Variants in SLF1 observed in about 807,000 individuals in gnomAD.
SLF1 encodes SMC5-SMC6 complex localization factor protein 1.
A neutral mutation model predicts 123.0 loss-of-function variants in SLF1; 105 were observed. The observed-to-expected ratio is 0.85, with a 90% CI of 0.73 to 1.00. The LOEUF is 1.00. SLF1 is among the 50% of genes least tolerant of loss of function. SLF1 has a pLI of 0.00. For synonymous variants in SLF1, 434 were observed against 406.6 expected, an observed-to-expected ratio of 1.07 and a Z score of -0.81; for missense variants, 1,239 against 1,223.0, an observed-to-expected ratio of 1.01 and a Z score of -0.20.
intron 12 of SLF1, among the ~76,000 whole-genome samples, chr5:94,668,044 C>G (rs10078522): frequency 0.54 from 81,782 of 151,812 alleles, 22,215 homozygotes; most frequent in African/African-American, 0.61. Flanking sequence ...CACCATGCCT[C>G]ACTGCTTCGT....
At position 94,628,840 on chromosome 5, in the gene SLF1, C is replaced by A; in HGVS notation, c.30C>A (p.Ile10=). The change falls in exon 2 of 21, where the codon ATC becomes ATA. Residue 10 remains isoleucine, a synonymous_variant. Coordinates refer to ENST00000265140, the MANE Select transcript of SLF1 (RefSeq NM_032290.4). MEDGTPKHI[I]QMTGFKMEEK... is the part of the protein sequence containing the mutation. ...AAGATGGTACCCCAAAGCATATCAT[C>A]CAGATGACAGGATTTAAGATGGAAG... The A allele has an allele frequency of 6.5e-7, 1 of 1,548,898 alleles. No homozygotes were observed. Among genetic ancestry groups the A allele is most frequent in the Admixed American group, 2.0e-5 (1 of 50,510 alleles).
At chr5:94,673,146 CTTTT>C (rs35332954) in intron 14 of SLF1, among the ~76,000 whole-genome samples, 2 of 146,516 alleles carry the variant, frequency 1.4e-5, no homozygotes, top group African/African-American at 5.0e-5. Flanking sequence ...TTGGCCATGA[CTTTT>C]TTTTTTTTTA....
At chr5:94,623,064 G>A (rs1791934216) in intron 1 of SLF1, among the ~76,000 whole-genome samples, 1 of 151,976 alleles carries the variant, frequency 6.6e-6, no homozygotes, top group East Asian at 1.9e-4. Flanking sequence ...CTTCAAACAT[G>A]TTCTAGCTAT....
chr5:94,653,569 G>T lies in SLF1; in HGVS notation c.1032+148G>T, dbSNP rs1748002976. 9.1e-6 allele frequency: 6 copies of T among 661,608 alleles called. No homozygotes were observed. The South Asian group carries it at 1.7e-4, about 19-fold the overall frequency. The allele number at this position is 661,608 out of a possible 1,614,324, so 41.0% of individuals were successfully genotyped here. A position where few individuals can be genotyped will look rare whatever the true frequency, so the allele number is the denominator to read the frequency against. On this transcript the variant is annotated intron_variant, in intron 8 of 20. Transcript: ENST00000265140. The stretch of plus-strand genomic sequence containing the variant: ...ATAGTTAATATTCCAGTTAACTTTG[G>T]TTCACAGTAAATGTACTTGTACATG...
chr5:94,662,313 T>C lies in SLF1; in HGVS notation c.1171T>C (p.Cys391Arg). 1 of 1,549,274 alleles carries C rather than the reference T, an allele frequency of 6.5e-7. No homozygotes were observed. Residue 391 changes from cysteine (C) to arginine (R), a missense_variant, in exon 10 of 21, where the codon TGC (cysteine) becomes CGC (arginine). Transcript: ENST00000265140. ...IYRAQAVRYNCIRIDKQPVYN... is the reference protein window; with the variant it reads ...IYRAQAVRYNRIRIDKQPVYN... ...TCTTTTGTAGGCTGTCAGATACAAC[T>C]GCATTAGAATAGATAAACAACCAGT...
At chr5:94,620,908 A>C (rs922607211) in intron 1 of SLF1, among the ~76,000 whole-genome samples, 2 of 152,172 alleles carry the variant, frequency 1.3e-5, no homozygotes, top group Non-Finnish European at 2.9e-5. Context: ...AGGAGGAAGA[A>C]AGACTTTCTC....
intron 8 of SLF1, among the ~76,000 whole-genome samples, chr5:94,654,291 G>T (rs1385657622): frequency 6.6e-6 from 1 of 150,670 alleles, no homozygotes; most frequent in Non-Finnish European, 1.5e-5. Context: ...TATGACCATG[G>T]CAACAACAAA....
intron 1 of SLF1, among the ~76,000 whole-genome samples, chr5:94,625,208 A>T (rs917860165): frequency 1.9e-4 from 29 of 151,366 alleles, no homozygotes; most frequent in Admixed American, 5.3e-4. Flanking sequence ...AAAAAAAAAA[A>T]ATATTAAACA....
At chr5:94,684,469 C>T (rs1019131066) in intron 15 of SLF1, among the ~76,000 whole-genome samples, 14 of 152,016 alleles carry the variant, frequency 9.2e-5, no homozygotes, top group Non-Finnish European at 1.9e-4. Flanking sequence ...GAGGCCAAGG[C>T]GGGCAGATCA....
At chr5:94,672,946 C>T (rs966311092) in intron 14 of SLF1, among the ~76,000 whole-genome samples, 1 of 152,168 alleles carries the variant, frequency 6.6e-6, no homozygotes, top group Non-Finnish European at 1.5e-5. Flanking sequence ...GAAAGAATTT[C>T]TGTTGAACTT....
upstream of SLF1, chr5:94,618,557 G>C (rs903502540): frequency 6.5e-6 from 1 of 153,624 alleles, no homozygotes. Context: ...CCAGACTCAA[G>C]CTCTGCACCA....
chr5:94,689,912 A>G (rs1054520191), intron 18 of SLF1, among the ~76,000 whole-genome samples: 4 of 152,060 alleles, frequency 2.6e-5, no homozygotes, highest in African/African-American at 7.2e-5. Flanking sequence ...TTTCTATTCC[A>G]TCTCAACCTG....
chr5:94,654,393 A>AG (rs916041269), intron 8 of SLF1, among the ~76,000 whole-genome samples: 4 of 141,372 alleles, frequency 2.8e-5, no homozygotes, highest in African/African-American at 1.0e-4. Context: ...AAGAGTAAAA[A>AG]GAAAAAAAAA....
chr5:94,655,202 C>G (rs10062402), intron 9 of SLF1, among the ~76,000 whole-genome samples: 18 of 151,982 alleles, frequency 1.2e-4, no homozygotes, highest in Non-Finnish European at 2.5e-4. Flanking sequence ...TCCTTTCCCC[C>G]GTGAGTGTTC....
At chr5:94,678,562 A>T in intron 14 of SLF1, 1 of 280,774 alleles carries the variant, frequency 3.6e-6, no homozygotes, top group Non-Finnish European at 6.6e-6. Flanking sequence ...ATTAAAGTTT[A>T]TTCTAAACTG....
chr5:94,681,743 C>T (rs567044496), intron 15 of SLF1, among the ~76,000 whole-genome samples: 186 of 150,288 alleles, frequency 1.2e-3, no homozygotes, highest in Middle Eastern at 6.9e-3. Flanking sequence ...TGAGAATATG[C>T]GGTGTCTGGT....
chr5:94,637,527 A>AC lies in SLF1; in HGVS notation c.432-5742dup, dbSNP rs543906652. On this transcript the variant is annotated intron_variant, in intron 4 of 20. Transcript: ENST00000265140. ...GCAGTTGGACAAAGTTGCAGGTTGT[A>AC]CCCCAAGATTAAGTAGAATTGCTGC... 2.3e-3 allele frequency among the ~76,000 whole-genome samples: 357 copies of AC among 152,070 alleles called. 3 individuals are homozygous for AC. The highest frequency in any genetic ancestry group is 7.9e-3 in the African/African-American group (327 of 41,466).
intron 12 of SLF1, among the ~76,000 whole-genome samples, chr5:94,667,794 A>C (rs1331697970): frequency 1.3e-5 from 2 of 152,028 alleles, no homozygotes; most frequent in Non-Finnish European, 2.9e-5. Context: ...TGTTGCCCAG[A>C]CTGGAGTGCA....
Position 94,696,035 on chromosome 5 carries a change from TTTAATA to T in SLF1, c.*728_*733del, listed in dbSNP as rs1414989053. The T allele has an allele frequency of 6.6e-6, 1 of 151,818 alleles. No homozygotes were observed. The highest frequency in any genetic ancestry group is 1.5e-5 in the Non-Finnish European group (1 of 67,832). 9.4% of individuals were successfully genotyped at this position (151,818 alleles called of 1,614,324 possible). A position where few individuals can be genotyped will look rare whatever the true frequency, so the allele number is the denominator to read the frequency against. Reference sequence around the variant, plus strand: ...ACATTCTGCTGCATAGGTTTATGAGTTTAATATTAAGATATTGAGTGGCATCTAAGT... The same window carrying T: ...ACATTCTGCTGCATAGGTTTATGAGTTTAAGATATTGAGTGGCATCTAAGT... On this transcript the variant is annotated 3_prime_UTR_variant, in exon 21 of 21. Transcript: ENST00000265140.
Sources: allele counts gnomAD v4.1 joint callset (sites outside exome capture counted in the v4.1 genomes callset), GRCh38; gene constraint gnomAD v4.1.1; transcripts MANE v1.5; gene names NCBI Gene and HGNC (gene_info 2026-07-23, HGNC 2026-07-21).